Variants in SFI1 observed in about 807,000 individuals in gnomAD.
SFI1 encodes the protein SFI1 centrin binding protein.
A neutral mutation model predicts 207.5 loss-of-function variants in SFI1; 195 were observed. The observed-to-expected ratio is 0.94, with a 90% confidence interval of 0.84 to 1.06. SFI1 has a LOEUF of 1.06. Ranked by LOEUF, SFI1 falls within the 50% of genes least tolerant of loss-of-function variation. SFI1 has a pLI of 0.00. For synonymous variants in SFI1, 630 were observed against 598.9 expected, an observed-to-expected ratio of 1.05 and a Z score of -0.76; for missense variants, 1,634 against 1,588.0, an observed-to-expected ratio of 1.03 and a Z score of -0.49.
intron 4 of SFI1, among the ~76,000 whole-genome samples, chr22:31,532,572 A>G (rs189499663): frequency 3.8e-4 from 57 of 151,904 alleles, no homozygotes; most frequent in African/African-American, 1.3e-3. Context: ...TTCCTGTTTC[A>G]TTTTTTGACA....
Position 31,616,750 on chromosome 22 carries a change from A to C in SFI1, c.3306A>C (p.Ser1102=). ...PCGAAAPARV[S]AQRATPRDKP... Reference sequence around the variant, plus strand: ...TACCCTTCTTTCCTTTGCAGGTGTCAGCACAGCGGGCTACTCCTAGGGATA... The same window carrying C: ...TACCCTTCTTTCCTTTGCAGGTGTCCGCACAGCGGGCTACTCCTAGGGATA... Residue 1102 remains serine, a synonymous_variant, in exon 30 of 33, where the codon TCA becomes TCC. Coordinates refer to ENST00000400288, the MANE Select transcript of SFI1 (RefSeq NM_001007467.3). The C allele has an allele frequency of 6.5e-7, 1 of 1,549,262 alleles. No individual in the cohort carries two copies. The highest frequency in any genetic ancestry group is 8.7e-7 in the Non-Finnish European group (1 of 1,151,596).
chr22:31,556,913 C>G, intron 6 of SFI1, 29 bp from the exon 7 acceptor site: 3 of 1,519,708 alleles, frequency 2.0e-6, no homozygotes, highest in Non-Finnish European at 2.7e-6. Context: ...CTCCCCATGC[C>G]TTTTGAAAAA....
rs892254694 is a variant in SFI1, at chr22:31,591,221, C to T, written c.1544+1644C>T. Reference sequence around the variant, plus strand: ...CTGTTTAACAAAGCACATCTTGCACCGCCCTTGATCCATTTAACTCTGAGT... The same window carrying T: ...CTGTTTAACAAAGCACATCTTGCACTGCCCTTGATCCATTTAACTCTGAGT... On this transcript the variant is annotated intron_variant, in intron 15 of 32. Transcript: ENST00000400288. Among the ~76,000 whole-genome samples the T allele has an allele frequency of 5.3e-3, 810 of 152,226 alleles. 11 individuals carry two copies. The highest frequency in any genetic ancestry group is 0.019 in the African/African-American group (782 of 41,536).
intron 1 of SFI1, among the ~76,000 whole-genome samples, 153 bp downstream of exon 1, chr22:31,496,790 C>T (rs2052718889): frequency 6.6e-6 from 1 of 152,208 alleles, no homozygotes; most frequent in Non-Finnish European, 1.5e-5. Context: ...ATGTTGTCTA[C>T]CTGCGGGTCT....
chr22:31,599,780 T>G (rs1392127970), intron 15 of SFI1, among the ~76,000 whole-genome samples: 1 of 151,716 alleles, frequency 6.6e-6, no homozygotes, highest in Admixed American at 6.6e-5. Flanking sequence ...CTGGCCCAGT[T>G]CTGTTTAGAA....
intron 23 of SFI1, 121 bp from the exon 24 acceptor site, chr22:31,611,645 T>A: frequency 9.8e-7 from 1 of 1,023,852 alleles, no homozygotes; most frequent in Non-Finnish European, 1.4e-6. Flanking sequence ...CCTGGCACCA[T>A]CCAGGACTCC....
At chr22:31,529,353 C>T (rs990674286) in intron 3 of SFI1, among the ~76,000 whole-genome samples, 6 of 151,916 alleles carry the variant, frequency 3.9e-5, no homozygotes, top group African/African-American at 1.5e-4. Context: ...TTTGAGACCC[C>T]GTCTCCACTA....
At chr22:31,523,336 C>T (rs149764226) in intron 2 of SFI1, among the ~76,000 whole-genome samples, 20 of 152,266 alleles carry the variant, frequency 1.3e-4, no homozygotes, top group Middle Eastern at 3.4e-3. Flanking sequence ...GTCTCACCCA[C>T]CTTCAGTGTA....
chr22:31,510,979 C>T (rs1274822126), intron 2 of SFI1, among the ~76,000 whole-genome samples: 3 of 151,986 alleles, frequency 2.0e-5, no homozygotes, highest in Non-Finnish European at 4.4e-5. Context: ...CTTATGGTTA[C>T]GCTCTTTTTT....
In SFI1 at chr22:31,613,625, C is replaced by T. The variant is rs749966488; in HGVS notation, c.2766C>T (p.Ala922=). The T allele has an allele frequency of 1.6e-5, 25 of 1,589,786 alleles. No individual in the cohort carries two copies. The highest frequency in any genetic ancestry group is 2.7e-5 in the African/African-American group (2 of 74,554). The change falls in exon 27 of 33, where the codon GCC becomes GCT. Residue 922 remains alanine (A), a synonymous_variant. Coordinates refer to ENST00000400288, the MANE Select transcript of SFI1 (RefSeq NM_001007467.3). The part of the protein sequence containing the change: ...QVQAAHSLHR[A]VRRCATLWKQ... ...AGGCGGCTCACAGTCTCCATCGTGC[C>T]GTCCGCCGCTGTGCCACGCTCTGGA...
At chr22:31,543,446 C>G (rs2059768454) in intron 4 of SFI1, among the ~76,000 whole-genome samples, 1 of 152,098 alleles carries the variant, frequency 6.6e-6, no homozygotes, top group African/African-American at 2.4e-5. Flanking sequence ...GTTCACTCTT[C>G]TCTTATTATT....
At position 31,592,851 on chromosome 22, in the gene SFI1, G is replaced by C. The variant is rs532887140; in HGVS notation, c.1544+3274G>C. ...TCCCGGACGGGGCGGCTGGCCAGGC[G>C]GGGGGGCTGACCCCCCCATCTCCCT... On this transcript the variant is annotated intron_variant, in intron 15 of 32. Coordinates refer to ENST00000400288, the MANE Select transcript of SFI1 (RefSeq NM_001007467.3). Among the ~76,000 whole-genome samples the C allele has an allele frequency of 2.6e-4, 34 of 129,044 alleles. 1 individual carries two copies. The South Asian group carries it at 5.0e-3, about 19-fold the overall frequency. The allele number at this position is 129,044 out of a possible 152,430, so 84.7% of individuals were successfully genotyped here.
At chr22:31,618,253 T>A in intron 32 of SFI1, 27 bp downstream of exon 32, 13 of 1,597,904 alleles carry the variant, frequency 8.1e-6, no homozygotes, top group Non-Finnish European at 1.1e-5. Flanking sequence ...TCCCCAGGTG[T>A]CCCTGGGGAC....
intron 6 of SFI1, 198 bp downstream of exon 6, chr22:31,550,546 A>G (rs1191928171): frequency 3.1e-5 from 16 of 519,852 alleles, no homozygotes; most frequent in Non-Finnish European, 4.5e-5. Context: ...TTTTCTCCAT[A>G]TGGCATGGTT....
At chr22:31,542,671 T>A (rs1424192322) in intron 4 of SFI1, among the ~76,000 whole-genome samples, 1 of 151,784 alleles carries the variant, frequency 6.6e-6, no homozygotes, top group Admixed American at 6.6e-5. Flanking sequence ...ATTTATTTAT[T>A]CATTCTTTGA....
intron 2 of SFI1, chr22:31,521,217 T>A: frequency 5.7e-6 from 1 of 176,968 alleles, no homozygotes; most frequent in East Asian, 1.6e-4. Flanking sequence ...TCTTCTGTTG[T>A]TCTTTCTTCC....
At chr22:31,591,812 G>A (rs2065998275) in intron 15 of SFI1, among the ~76,000 whole-genome samples, 1 of 79,890 alleles carries the variant, frequency 1.3e-5, no homozygotes, top group Non-Finnish European at 2.4e-5. Flanking sequence ...CGGGGCGGCT[G>A]GCCGGGCAGA....
chr22:31,535,314 C>G (rs1446236304), intron 4 of SFI1, among the ~76,000 whole-genome samples: 1 of 149,400 alleles, frequency 6.7e-6, no homozygotes, highest in African/African-American at 2.5e-5. Flanking sequence ...CTAAGCCTCC[C>G]AAATAGCTGG....
intron 2 of SFI1, among the ~76,000 whole-genome samples, chr22:31,519,007 C>T (rs2056876812): frequency 6.6e-6 from 1 of 152,172 alleles, no homozygotes; most frequent in Admixed American, 6.6e-5. Flanking sequence ...CCAGACTATG[C>T]CCTGTGCCCC....
Sources: allele counts gnomAD v4.1 joint callset (sites outside exome capture counted in the v4.1 genomes callset), GRCh38; gene constraint gnomAD v4.1.1; transcripts MANE v1.5; gene names NCBI Gene and HGNC (gene_info 2026-07-23, HGNC 2026-07-21).